Variants in MAZ observed in about 807,000 individuals in gnomAD.
MAZ encodes the protein MYC associated zinc finger protein, also known as myc-associated zinc finger protein.
A neutral mutation model predicts 32.7 loss-of-function variants in MAZ; 4 were observed. The observed-to-expected ratio is 0.12, with a 90% CI of 0.06 to 0.28. The LOEUF (loss-of-function observed/expected upper bound fraction) is 0.28. Among genes scored for constraint, MAZ ranks in the 10% least tolerant of loss-of-function variants. The pLI is 1.00. For missense variants in MAZ, 763 were observed against 667.2 expected (o/e 1.14, Z -1.58); for synonymous variants, 510 against 297.6 (o/e 1.71, Z -7.35).
In MAZ at chr16:29,806,716, T is replaced by G; in HGVS notation, c.15T>G (p.Phe5Leu). The G allele has an allele frequency of 7.5e-7, 1 of 1,336,308 alleles. No individual in the cohort carries two copies. The highest frequency in any genetic ancestry group is 9.8e-7 in the Non-Finnish European group (1 of 1,023,804). 82.8% of individuals were successfully genotyped at this position (1,336,308 alleles called of 1,614,324 possible). Reference sequence around the variant, plus strand: ...CGGCCGAGGCCATGTTCCCGGTGTTTCCTTGCACGCTGCTGGCCCCCCCCT... The same window carrying G: ...CGGCCGAGGCCATGTTCCCGGTGTTGCCTTGCACGCTGCTGGCCCCCCCCT... MFPV[F>L]PCTLLAPPFP... is the part of the protein sequence containing the mutation. Residue 5 changes from phenylalanine to leucine, a missense_variant, in exon 1 of 5, where the codon TTT becomes TTG. Physicochemically the swap from Phe to Leu is conservative, Grantham distance 22 (BLOSUM62 0). Transcript: ENST00000322945.
In MAZ at chr16:29,806,707, C is replaced by G. The variant is rs764530442; in HGVS notation, c.6C>G (p.Phe2Leu). 2 of 1,304,986 alleles carry G rather than the reference C, an allele frequency of 1.5e-6. No homozygotes were observed. The highest frequency in any genetic ancestry group is 2.9e-5 in the Admixed American group (1 of 34,568). The allele number at this position is 1,304,986 out of a possible 1,614,324, so 80.8% of individuals were successfully genotyped here. A position where few individuals can be genotyped will look rare whatever the true frequency, so the allele number is the denominator to read the frequency against. ...GCCCCGCTGCGGCCGAGGCCATGTTCCCGGTGTTTCCTTGCACGCTGCTGG... is the reference window on the plus strand; with the variant it reads ...GCCCCGCTGCGGCCGAGGCCATGTTGCCGGTGTTTCCTTGCACGCTGCTGG... The part of the protein sequence containing the change: M[F>L]PVFPCTLLAP... Residue 2 changes from phenylalanine (F) to leucine (L), a missense_variant, in exon 1 of 5, where the codon TTC becomes TTG. Transcript: ENST00000322945.
At chr16:29,808,905 T>C (rs1470161013) in intron 4 of MAZ, 164 bp downstream of exon 4, 7 of 637,640 alleles carry the variant, frequency 1.1e-5, no homozygotes, top group East Asian at 2.8e-5. Flanking sequence ...ATGAACATCA[T>C]TAGACTCTAA....
At chr16:29,809,674 C>G (rs561533545) in intron 4 of MAZ, 36 of 1,565,960 alleles carry the variant, frequency 2.3e-5, no homozygotes, top group Non-Finnish European at 3.1e-5. Context: ...CGGCCACATG[C>G]AGACCCATCT....
intron 2 of MAZ, 163 bp downstream of exon 2, chr16:29,807,991 A>G: frequency 1.5e-6 from 2 of 1,330,504 alleles, no homozygotes; most frequent in Non-Finnish European, 2.0e-6. Flanking sequence ...CCAGGGAGCA[A>G]GGGGTGGTCC....
intron 4 of MAZ, 156 bp from the exon 5 acceptor site, chr16:29,809,921 C>T (rs1333175810): frequency 1.7e-5 from 22 of 1,286,926 alleles, no homozygotes; most frequent in Middle Eastern, 5.6e-4. Context: ...GAGAACTGCT[C>T]TGTCTGGGTG....
intron 4 of MAZ, chr16:29,809,083 C>T: frequency 1.9e-6 from 1 of 522,304 alleles, no homozygotes; most frequent in East Asian, 3.2e-5. Context: ...GTCTTGTCTC[C>T]AGCTCCTGGG....
Position 29,810,622 on chromosome 16 carries a change from T to G in MAZ, c.*391T>G. The G allele has an allele frequency of 4.9e-6, 3 of 615,776 alleles. No homozygotes were observed. Among genetic ancestry groups the G allele is most frequent in the Non-Finnish European group, 2.9e-6 (1 of 340,386 alleles). The allele number at this position is 615,776 out of a possible 1,614,324, so 38.1% of individuals were successfully genotyped here. ...TCTCCTTCCAGTCCTCTCCCCCTGC[T>G]GTCTGCAGCCCCTCCCCGGGGAGTT... On this transcript the variant is annotated 3_prime_UTR_variant, in exon 5 of 5. Coordinates refer to ENST00000322945, the MANE Select transcript of MAZ (RefSeq NM_002383.4).
rs1899524797 is a variant in MAZ at position 29,807,028 on chromosome 16, C to G, written c.243C>G (p.Leu81=). 2.0e-6 allele frequency: 2 copies of G among 1,010,802 alleles called. No individual in the cohort carries two copies. The highest frequency in any genetic ancestry group is 4.4e-5 in the South Asian group (1 of 22,738). 62.6% of individuals were successfully genotyped at this position (1,010,802 alleles called of 1,614,324 possible). Residue 81 remains leucine, a synonymous_variant, in exon 2 of 5, where the codon CTC becomes CTG. Transcript: ENST00000322945. ...PTPQAPAAEP[L]QVDLLPVLAA... ...CCCAGGCCCCGGCGGCCGAGCCCCTCCAGGTGGACTTGCTCCCGGTGCTCG... is the reference window on the plus strand; with the variant it reads ...CCCAGGCCCCGGCGGCCGAGCCCCTGCAGGTGGACTTGCTCCCGGTGCTCG...
rs936885966 is a variant in MAZ, at chr16:29,810,398, G to A, written c.*167G>A. On this transcript the variant is annotated 3_prime_UTR_variant, in exon 5 of 5. Coordinates refer to ENST00000322945, the MANE Select transcript of MAZ (RefSeq NM_002383.4). ...TTAGGGGAATTCGCTAGGTTTTAACGATTTGTTTCTCCTGCTCCTCTTCTG... is the reference window on the plus strand; with the variant it reads ...TTAGGGGAATTCGCTAGGTTTTAACAATTTGTTTCTCCTGCTCCTCTTCTG... 1.0e-5 allele frequency: 8 copies of A among 793,406 alleles called. No homozygotes were observed. The Admixed American group carries it at 1.4e-4, about 14-fold the overall frequency. 49.1% of individuals were successfully genotyped at this position (793,406 alleles called of 1,614,324 possible).
Position 29,807,130 on chromosome 16 carries a change from C to T in MAZ, c.345C>T (p.Ala115=), listed in dbSNP as rs1305980593. The T allele has an allele frequency of 1.9e-6, 2 of 1,035,918 alleles. No homozygotes were observed. The highest frequency in any genetic ancestry group is 4.0e-4 in the Middle Eastern group (1 of 2,514). 64.2% of individuals were successfully genotyped at this position (1,035,918 alleles called of 1,614,324 possible). The part of the protein sequence containing the change: ...AAAAVAAAPP[A]PAAASTVDTA... ...CCGCCGTCGCTGCCGCGCCCCCGGC[C>T]CCTGCCGCCGCCTCTACGGTGGACA... is the stretch of plus-strand genomic sequence containing the variant. Residue 115 remains alanine (A), a synonymous_variant, in exon 2 of 5, where the codon GCC becomes GCT. Transcript: ENST00000322945.
In MAZ at chr16:29,810,129, A is replaced by AGCAGCGGCGGCAGCGGCG; in HGVS notation, c.1340_1341insGGCAGCGGCGGCAGCGGC (p.Ala443_Ala448dup). 6.2e-7 allele frequency: 1 copy of AGCAGCGGCGGCAGCGGCG among 1,600,538 alleles called. No individual in the cohort carries two copies. The highest frequency in any genetic ancestry group is 8.5e-7 in the Non-Finnish European group (1 of 1,171,830). ...CGGCAGCGGCAGCGGCGGCAGCGGC[A>AGCAGCGGCGGCAGCGGCG]GCAGCGGCAGCAGTAGCAGCCCCTC... On this transcript the variant is annotated inframe_insertion, in exon 5 of 5. Coordinates refer to ENST00000322945, the MANE Select transcript of MAZ (RefSeq NM_002383.4).
chr16:29,811,130 G>A lies in MAZ; in HGVS notation c.*899G>A, dbSNP rs1304767442. 2 of 441,066 alleles carry A rather than the reference G, an allele frequency of 4.5e-6. No individual in the cohort carries two copies. Among genetic ancestry groups the A allele is most frequent in the Non-Finnish European group, 9.1e-6 (2 of 220,314 alleles). 27.3% of individuals were successfully genotyped at this position (441,066 alleles called of 1,614,324 possible). ...CACCCTCCACCCCTTCCTTTTGCGC[G>A]GACCCCATTACAATAAATTTTAAAT... is the stretch of plus-strand genomic sequence containing the variant. On this transcript the variant is annotated 3_prime_UTR_variant, in exon 5 of 5. Transcript: ENST00000322945.
chr16:29,809,703 T>A (rs1899798240), intron 4 of MAZ: 1 of 1,495,750 alleles, frequency 6.7e-7, no homozygotes, highest in African/African-American at 1.4e-5. Flanking sequence ...CCGCCCCCCC[T>A]GTCCCGGGAG....
chr16:29,807,888 G>A, intron 2 of MAZ, 60 bp downstream of exon 2: 2 of 1,574,202 alleles, frequency 1.3e-6, no homozygotes, highest in Non-Finnish European at 1.7e-6. Context: ...CGACGGAGGT[G>A]GCCTGGCCGT....
chr16:29,809,974 C>G (rs72798129), intron 4 of MAZ, 103 bp from the exon 5 acceptor site: 1,396 of 1,521,204 alleles, frequency 9.2e-4, no homozygotes, highest in Non-Finnish European at 1.1e-3. Context: ...AGGAAGTGAG[C>G]AACGGCTGTG....
chr16:29,806,716 T>A lies in MAZ; in HGVS notation c.15T>A (p.Phe5Leu). The change falls in exon 1 of 5, where the codon TTT becomes TTA. Residue 5 changes from phenylalanine to leucine, a missense_variant. Phe to Leu is a conservative substitution (Grantham distance 22). Coordinates refer to ENST00000322945, the MANE Select transcript of MAZ (RefSeq NM_002383.4). Reference sequence around the variant, plus strand: ...CGGCCGAGGCCATGTTCCCGGTGTTTCCTTGCACGCTGCTGGCCCCCCCCT... The same window carrying A: ...CGGCCGAGGCCATGTTCCCGGTGTTACCTTGCACGCTGCTGGCCCCCCCCT... MFPV[F>L]PCTLLAPPFP... The A allele has an allele frequency of 7.5e-7, 1 of 1,336,308 alleles. No homozygotes were observed. Among genetic ancestry groups the A allele is most frequent in the Non-Finnish European group, 9.8e-7 (1 of 1,023,804 alleles). The allele number at this position is 1,336,308 out of a possible 1,614,324, so 82.8% of individuals were successfully genotyped here.
Position 29,810,284 on chromosome 16 carries a change from C to G in MAZ, c.*53C>G, listed in dbSNP as rs757752682. On this transcript the variant is annotated 3_prime_UTR_variant, in exon 5 of 5. Coordinates refer to ENST00000322945, the MANE Select transcript of MAZ (RefSeq NM_002383.4). ...GAGAATGGAGTAGAGTCCCTTGGTA[C>G]AAGCTCCTCTCCCCCCTCTTTTCCC... 1 of 1,506,674 alleles carries G rather than the reference C, an allele frequency of 6.6e-7. No individual in the cohort carries two copies. The highest frequency in any genetic ancestry group is 2.5e-5 in the East Asian group (1 of 40,796). 93.3% of individuals were successfully genotyped at this position (1,506,674 alleles called of 1,614,324 possible). A position where few individuals can be genotyped will look rare whatever the true frequency, so the allele number is the denominator to read the frequency against.
intron 2 of MAZ, 171 bp from the exon 3 acceptor site, chr16:29,808,059 G>A (rs1049849636): frequency 4.1e-6 from 4 of 972,792 alleles, no homozygotes; most frequent in East Asian, 2.6e-5. Context: ...GGAGGCGGCG[G>A]CGGCGGCAGC....
upstream of MAZ, chr16:29,806,189 TCCCTCCC>T: frequency 3.6e-6 from 2 of 561,066 alleles, no homozygotes; most frequent in South Asian, 2.0e-5. Context: ...AGGTAACAAC[TCCCTCCC>T]CCCGCCCCCA....
Sources: gnomAD v4.1 joint callset for allele counts on GRCh38, gnomAD v4.1.1 for gene constraint, MANE v1.5 for transcripts, NCBI Gene and HGNC (gene_info 2026-07-23, HGNC 2026-07-21) for gene names.